The following TTC7A variants were observed in gnomAD, a reference collection of about 807,000 sequenced individuals.
The protein encoded by TTC7A is tetratricopeptide repeat protein 7A.
In TTC7A, 110 loss-of-function variants were observed where a neutral mutation model predicts 103.7. The observed-to-expected ratio is 1.06, with a 90% CI of 0.91 to 1.24. TTC7A has a LOEUF of 1.24. Ranked by LOEUF, TTC7A falls within the 50% of genes most tolerant of loss-of-function variation. The pLI, the probability that TTC7A is intolerant of heterozygous loss-of-function variation, is 0.00. For missense variants in TTC7A, 1,340 were observed against 1,116.3 expected (o/e 1.20, Z -2.86); for synonymous variants, 521 against 467.9 (o/e 1.11, Z -1.47).
intron 10 of TTC7A, among the ~76,000 whole-genome samples, chr2:47,009,287 G>A (rs1211909927): frequency 6.6e-6 from 1 of 152,080 alleles, no homozygotes; most frequent in Non-Finnish European, 1.5e-5. Context: ...TCTTGTGCTT[G>A]GCCTCCTACC....
upstream of TTC7A, among the ~76,000 whole-genome samples, chr2:46,939,045 G>T (rs576819424): frequency 1.3e-5 from 2 of 151,080 alleles, no homozygotes; most frequent in African/African-American, 4.9e-5. Flanking sequence ...GCGGGCCAGG[G>T]TGGGAGGACC....
At chr2:46,991,845 C>T (rs901713300) in intron 5 of TTC7A, among the ~76,000 whole-genome samples, 1 of 152,142 alleles carries the variant, frequency 6.6e-6, no homozygotes, top group Non-Finnish European at 1.5e-5. Flanking sequence ...GAGCACTTGG[C>T]AGGCTAGCGA....
At chr2:46,964,170 T>A (rs1434285011) in intron 3 of TTC7A, among the ~76,000 whole-genome samples, 1 of 152,168 alleles carries the variant, frequency 6.6e-6, no homozygotes, top group African/African-American at 2.4e-5. Context: ...GAGATCCAGC[T>A]AGTTGTGGGG....
intron 3 of TTC7A, among the ~76,000 whole-genome samples, chr2:46,963,496 G>A (rs1672568690): frequency 6.6e-6 from 1 of 152,090 alleles, no homozygotes; most frequent in East Asian, 1.9e-4. Context: ...CTTGGAGATG[G>A]CAAAGTCCTC....
chr2:46,995,344 C>A, intron 8 of TTC7A, 145 bp downstream of exon 8: 1 of 792,438 alleles, frequency 1.3e-6, no homozygotes, highest in Non-Finnish European at 2.0e-6. Context: ...TGGCCCTGGG[C>A]CCCCATACAG....
At chr2:47,023,356 C>A in intron 12 of TTC7A, 52 bp from the exon 13 acceptor site, 1 of 1,596,358 alleles carries the variant, frequency 6.3e-7, no homozygotes, top group South Asian at 1.1e-5. Context: ...AGGGCTGGGC[C>A]GGCACCCTTC....
intron 1 of TTC7A, among the ~76,000 whole-genome samples, chr2:46,947,804 A>G (rs1399283545): frequency 3.3e-5 from 5 of 152,248 alleles, no homozygotes; most frequent in African/African-American, 1.2e-4. Context: ...TACACAAAGT[A>G]CTACCTCCCA....
chr2:47,043,438 A>G (rs1457446031), intron 15 of TTC7A, among the ~76,000 whole-genome samples: 1 of 152,204 alleles, frequency 6.6e-6, no homozygotes, highest in Admixed American at 6.5e-5. Flanking sequence ...GCAGAAGCAC[A>G]GCACGGATGA....
chr2:47,047,317 C>T (rs1682425840), intron 16 of TTC7A: 2 of 1,548,674 alleles, frequency 1.3e-6, no homozygotes, highest in Admixed American at 2.0e-5. Flanking sequence ...ACATCTGTAA[C>T]AGTGAAATTT....
rs1251505634 is a variant in TTC7A, at chr2:47,029,187, G to T, written c.1642-37G>T. 3.1e-6 allele frequency: 5 copies of T among 1,609,804 alleles called. No individual in the cohort carries two copies. The African/African-American group carries it at 4.0e-5, about 13-fold the overall frequency. ...GCTCCTGAGTCCCAGGGCAGCATGTGCCTGGGGAAGGCTAACCTGGCGGGT... is the reference window on the plus strand; with the variant it reads ...GCTCCTGAGTCCCAGGGCAGCATGTTCCTGGGGAAGGCTAACCTGGCGGGT... On this transcript the variant is annotated intron_variant, in intron 14 of 19. Transcript: ENST00000319190.
chr2:46,988,970 T>C (rs1429017035), intron 5 of TTC7A, among the ~76,000 whole-genome samples: 1 of 152,336 alleles, frequency 6.6e-6, no homozygotes, highest in East Asian at 1.9e-4. Context: ...GCACCTTCTA[T>C]GCACCACACA....
chr2:46,944,374 G>GTT (rs34191565), intron 1 of TTC7A, among the ~76,000 whole-genome samples: 10,156 of 88,624 alleles, frequency 0.11, 847 homozygotes, highest in Admixed American at 0.2. Flanking sequence ...GGTATTTTGG[G>GTT]TTTTTTTTTT....
rs565327842 is a variant in TTC7A, at chr2:47,029,238, G to C, written c.1656G>C (p.Met552Ile). The C allele has an allele frequency of 1.2e-5, 19 of 1,613,860 alleles. 1 individual carries two copies. In the South Asian group the frequency reaches 2.0e-4, roughly 17 times the overall value. ...LALVRQISSAMEQLQEALKVR... is the reference protein window; with the variant it reads ...LALVRQISSAIEQLQEALKVR... Reference sequence around the variant, plus strand: ...TCCTTCAACAGATCTCCAGTGCCATGGAGCAGCTGCAGGAGGCCCTGAAGG... The same window carrying C: ...TCCTTCAACAGATCTCCAGTGCCATCGAGCAGCTGCAGGAGGCCCTGAAGG... The change falls in exon 15 of 20, where the codon ATG becomes ATC. Residue 552 changes from methionine (M) to isoleucine (I), a missense_variant. Physicochemically the swap from Met to Ile is conservative, Grantham distance 10. Coordinates refer to ENST00000319190, the MANE Select transcript of TTC7A (RefSeq NM_020458.4).
chr2:47,053,543 T>TTGGTTGTTTGGTTGGTTGG (rs56072760), intron 18 of TTC7A, among the ~76,000 whole-genome samples: 5 of 140,138 alleles, frequency 3.6e-5, no homozygotes, highest in African/African-American at 1.4e-4. Flanking sequence ...TGTTTGTTTG[T>TTGGTTGTTTGGTTGGTTGG]TTGGTTGGTT....
Position 47,073,802 on chromosome 2 carries a change from T to G in TTC7A, c.2456T>G (p.Leu819Arg). 1 of 1,613,700 alleles carries G rather than the reference T, an allele frequency of 6.2e-7. No homozygotes were observed. Among genetic ancestry groups the G allele is most frequent in the Non-Finnish European group, 8.5e-7 (1 of 1,179,998 alleles). Residue 819 changes from leucine to arginine, a missense_variant, in exon 20 of 20, where the codon CTG (leucine) becomes CGG (arginine). Leu to Arg is a moderately radical substitution (Grantham distance 102, BLOSUM62 -2). Coordinates refer to ENST00000319190, the MANE Select transcript of TTC7A (RefSeq NM_020458.4). ...QSTCHEAWQG[L>R]GEVLQAQGQN... Reference sequence around the variant, plus strand: ...ACGTGCCACGAGGCGTGGCAGGGCCTGGGCGAGGTGCTGCAGGCCCAGGGC... The same window carrying G: ...ACGTGCCACGAGGCGTGGCAGGGCCGGGGCGAGGTGCTGCAGGCCCAGGGC...
At chr2:46,997,113 G>A (rs1427170812) in intron 8 of TTC7A, among the ~76,000 whole-genome samples, 1 of 152,076 alleles carries the variant, frequency 6.6e-6, no homozygotes, top group African/African-American at 2.4e-5. Flanking sequence ...CGAGTGGCTT[G>A]GATTACAGGT....
chr2:46,980,199 T>C (rs567153600), intron 5 of TTC7A, among the ~76,000 whole-genome samples: 3 of 151,714 alleles, frequency 2.0e-5, no homozygotes, highest in South Asian at 2.1e-4. Context: ...TGTTTTCTTC[T>C]ACCCTATACT....
In TTC7A at chr2:46,930,803, A is replaced by G. The variant is rs182476099; in HGVS notation, c.82+13526A>G. ...GCGTGAGCCACCGCACCCAGCCTGA[A>G]GTCCTATAATTTTTAAAGAAATCCA... is the stretch of plus-strand genomic sequence containing the variant. On this transcript the variant is annotated intron_variant, in intron 2 of 20. Coordinates refer to the TTC7A transcript ENST00000409245. Among the ~76,000 whole-genome samples, 22 of 152,294 alleles carry G rather than the reference A, an allele frequency of 1.4e-4. No homozygotes were observed. The East Asian group carries it at 3.7e-3, about 25-fold the overall frequency.
At chr2:47,072,271 C>T (rs1684804578) in intron 19 of TTC7A, among the ~76,000 whole-genome samples, 1 of 152,206 alleles carries the variant, frequency 6.6e-6, no homozygotes, top group Admixed American at 6.5e-5. Context: ...GGCCTCTGCA[C>T]GCCTCATCCG....
Sources: gnomAD v4.1 joint callset for allele counts (sites outside exome capture counted in the v4.1 genomes callset) on GRCh38, gnomAD v4.1.1 for gene constraint, MANE v1.5 for transcripts, NCBI Gene and HGNC (gene_info 2026-07-23, HGNC 2026-07-21) for gene names.